Variants in ZFPM2 observed in about 807,000 individuals in gnomAD.
ZFPM2 encodes zinc finger protein ZFPM2.
Under a neutral mutation model 98.6 loss-of-function variants are expected in ZFPM2, and 20 were observed. The ratio of observed to expected loss-of-function variants is 0.20; its 90% CI spans 0.14 to 0.29. ZFPM2 has a LOEUF of 0.29. Ranked by LOEUF, ZFPM2 falls within the 10% of genes least tolerant of loss-of-function variation. The probability of loss-of-function intolerance (pLI) is 1.00; values close to 1 mark genes in which losing one functional copy is unlikely to be tolerated. For synonymous variants in ZFPM2, 518 were observed against 502.7 expected (o/e 1.03, Z -0.41); for missense variants, 1,310 against 1,388.6 (o/e 0.94, Z 0.90).
chr8:105,447,882 A>G (rs962008045), intron 3 of ZFPM2, among the ~76,000 whole-genome samples: 19 of 152,134 alleles, frequency 1.2e-4, no homozygotes, highest in African/African-American at 1.9e-4. Flanking sequence ...AGTGGAAAGT[A>G]CTTTTTCCCT....
chr8:105,680,636 C>T (rs1211924104), intron 5 of ZFPM2, among the ~76,000 whole-genome samples: 1 of 151,998 alleles, frequency 6.6e-6, no homozygotes, highest in African/African-American at 2.4e-5. Context: ...AATTATGTTC[C>T]TTTTTCATGG....
chr8:105,631,846 A>AT (rs543016235), intron 4 of ZFPM2, among the ~76,000 whole-genome samples: 194 of 152,284 alleles, frequency 1.3e-3, no homozygotes, highest in African/African-American at 4.4e-3. Context: ...ATCACTATCT[A>AT]TTTTTTATAT....
rs1811953099 is a variant in ZFPM2, at chr8:105,318,646, C to T, written c.-296C>T. 6.6e-6 allele frequency: 1 copy of T among 151,490 alleles called. No individual in the cohort carries two copies. The highest frequency in any genetic ancestry group is 2.1e-4 in the South Asian group (1 of 4,870). 9.4% of individuals were successfully genotyped at this position (151,490 alleles called of 1,614,324 possible). A position where few individuals can be genotyped will look rare whatever the true frequency, so the allele number is the denominator to read the frequency against. On this transcript the variant is annotated 5_prime_UTR_variant, in exon 1 of 8. Transcript: ENST00000407775. Reference sequence around the variant, plus strand: ...CTCTTCTCTTTCCCCTTTTCTCTCTCCCTGACCGTTCGCTTGTACATTCCC... The same window carrying T: ...CTCTTCTCTTTCCCCTTTTCTCTCTTCCTGACCGTTCGCTTGTACATTCCC...
At chr8:105,664,005 A>T (rs1475792814) in intron 5 of ZFPM2, among the ~76,000 whole-genome samples, 2 of 152,196 alleles carry the variant, frequency 1.3e-5, no homozygotes, top group East Asian at 3.9e-4. Context: ...GTTAAAGGAG[A>T]TGAAGAAGAT....
intron 1 of ZFPM2, among the ~76,000 whole-genome samples, chr8:105,397,160 CAT>C (rs1811239759): frequency 6.6e-6 from 1 of 152,146 alleles, no homozygotes; most frequent in Non-Finnish European, 1.5e-5. Flanking sequence ...CCCCCTCTAT[CAT>C]ATCTTATCTC....
In ZFPM2 at chr8:105,356,616, G is replaced by GAT. The variant is rs201302276; in HGVS notation, c.40+37645_40+37646dup. 3.1e-3 allele frequency among the ~76,000 whole-genome samples: 473 copies of GAT among 152,192 alleles called. 1 individual carries two copies. The highest frequency in any genetic ancestry group is 0.01 in the African/African-American group (416 of 41,534). ...CTTTTCACAGCTATGCTTAGAAACT[G>GAT]ATATATATATACAGTTTGCATGTGC... On this transcript the variant is annotated intron_variant, in intron 1 of 7. Transcript: ENST00000407775.
At chr8:105,403,406 A>G (rs1471257791) in intron 1 of ZFPM2, among the ~76,000 whole-genome samples, 2 of 152,042 alleles carry the variant, frequency 1.3e-5, no homozygotes, top group Admixed American at 6.6e-5. Context: ...AGCATCACTA[A>G]TTCAATTTTT....
chr8:105,797,758 C>T (rs1289340638), intron 6 of ZFPM2, among the ~76,000 whole-genome samples: 2 of 152,292 alleles, frequency 1.3e-5, no homozygotes, highest in Admixed American at 1.3e-4. Context: ...TACCTCAGCT[C>T]AGGCTGAGCT....
intron 4 of ZFPM2, among the ~76,000 whole-genome samples, chr8:105,600,249 A>G (rs1240964366): frequency 6.6e-6 from 1 of 152,166 alleles, no homozygotes; most frequent in African/African-American, 2.4e-5. Flanking sequence ...CCTATTTACA[A>G]TAATGAGATC....
chr8:105,341,741 A>G (rs1812435063), intron 1 of ZFPM2, among the ~76,000 whole-genome samples: 1 of 151,998 alleles, frequency 6.6e-6, no homozygotes, highest in Non-Finnish European at 1.5e-5. Flanking sequence ...CTTCCCTTTT[A>G]ACTTCATTTT....
chr8:105,797,472 T>TGTCA (rs1436140058), intron 6 of ZFPM2, among the ~76,000 whole-genome samples: 1 of 152,222 alleles, frequency 6.6e-6, no homozygotes, highest in Admixed American at 6.5e-5. Flanking sequence ...TATCTGATTA[T>TGTCA]GTCAGTGTCT....
At chr8:105,493,669 C>T (rs1297189607) in intron 3 of ZFPM2, among the ~76,000 whole-genome samples, 1 of 152,128 alleles carries the variant, frequency 6.6e-6, no homozygotes, top group Admixed American at 6.5e-5. Context: ...CAAACCATTA[C>T]CTTTTACTTT....
At chr8:105,674,053 GT>G (rs960355225) in intron 5 of ZFPM2, among the ~76,000 whole-genome samples, 1 of 152,120 alleles carries the variant, frequency 6.6e-6, no homozygotes, top group Non-Finnish European at 1.5e-5. Context: ...GTAGCATTTT[GT>G]TTTTTCTGCA....
chr8:105,467,886 G>A (rs1421466183), intron 3 of ZFPM2, among the ~76,000 whole-genome samples: 1 of 151,928 alleles, frequency 6.6e-6, no homozygotes. Flanking sequence ...GTGATTTGGG[G>A]TTCATTGGAA....
intron 3 of ZFPM2, among the ~76,000 whole-genome samples, chr8:105,494,103 T>C (rs1176330803): frequency 6.7e-6 from 1 of 148,568 alleles, no homozygotes; most frequent in African/African-American, 2.5e-5. Flanking sequence ...TTCCTGGTGA[T>C]CTCACCCATA....
At chr8:105,639,592 G>C (rs1816911200) in intron 5 of ZFPM2, among the ~76,000 whole-genome samples, 1 of 152,022 alleles carries the variant, frequency 6.6e-6, no homozygotes, top group Non-Finnish European at 1.5e-5. Context: ...GATTTTCTCA[G>C]CTGTGAAAAT....
At chr8:105,739,284 A>G (rs1035476281) in intron 5 of ZFPM2, among the ~76,000 whole-genome samples, 6 of 152,098 alleles carry the variant, frequency 3.9e-5, no homozygotes, top group Non-Finnish European at 8.8e-5. Context: ...GGCCTTTAGC[A>G]TGGTAACGGA....
chr8:105,795,376 G>A (rs768008526), intron 6 of ZFPM2, among the ~76,000 whole-genome samples: 7 of 149,554 alleles, frequency 4.7e-5, no homozygotes, highest in Non-Finnish European at 8.9e-5. Context: ...CACACACAAA[G>A]CTGATGTTCT....
chr8:105,369,008 G>C (rs1810565113), intron 1 of ZFPM2, among the ~76,000 whole-genome samples: 1 of 152,090 alleles, frequency 6.6e-6, no homozygotes. Context: ...TAATGAAGGA[G>C]CTTTATTCCC....
Sources: gnomAD v4.1 joint callset for allele counts (sites outside exome capture counted in the v4.1 genomes callset) on GRCh38, gnomAD v4.1.1 for gene constraint, MANE v1.5 for transcripts, NCBI Gene and HGNC (gene_info 2026-07-23, HGNC 2026-07-21) for gene names.